Variants in RYR2 observed in about 807,000 individuals in gnomAD.
The protein encoded by RYR2 is ryanodine receptor 2.
A neutral mutation model predicts 601.1 loss-of-function variants in RYR2; 227 were observed. That is an observed-to-expected ratio of 0.38 (90% CI 0.34 to 0.42). The LOEUF (loss-of-function observed/expected upper bound fraction) is 0.42, where lower values mean the gene tolerates loss of function less well. Ranked by LOEUF, RYR2 falls within the 10% of genes least tolerant of loss-of-function variation. The probability of loss-of-function intolerance (pLI) is 1.00; values close to 1 mark genes in which losing one functional copy is unlikely to be tolerated. For synonymous variants in RYR2, 2,223 were observed against 2,175.1 expected (o/e 1.02, Z -0.61); for missense variants, 4,646 against 6,156.5 (o/e 0.75, Z 8.21).
chr1:237,799,272 A>ATGTT (rs1659664145), intron 97 of RYR2, among the ~76,000 whole-genome samples: 1 of 152,282 alleles, frequency 6.6e-6, no homozygotes, highest in Non-Finnish European at 1.5e-5. Context: ...TGTGTTCCTT[A>ATGTT]TGTTAGAATA....
At chr1:237,201,731 G>A (rs897254325) in intron 1 of RYR2, among the ~76,000 whole-genome samples, 1 of 152,126 alleles carries the variant, frequency 6.6e-6, no homozygotes, top group Non-Finnish European at 1.5e-5. Context: ...GGGCTGCTGA[G>A]GCCTCACTCC....
intron 1 of RYR2, among the ~76,000 whole-genome samples, chr1:237,194,992 T>C (rs1680394418): frequency 6.6e-6 from 1 of 152,180 alleles, no homozygotes; most frequent in African/African-American, 2.4e-5. Context: ...CTGGCACCTA[T>C]TAGGGCATCA....
intron 24 of RYR2, among the ~76,000 whole-genome samples, chr1:237,517,825 T>C (rs1297523811): frequency 1.3e-5 from 2 of 152,196 alleles, no homozygotes; most frequent in Non-Finnish European, 2.9e-5. Context: ...CATGATTTTT[T>C]TTTTAAATTC....
chr1:237,085,171 A>G (rs1666168459), intron 1 of RYR2, among the ~76,000 whole-genome samples: 1 of 152,204 alleles, frequency 6.6e-6, no homozygotes, highest in Non-Finnish European at 1.5e-5. Context: ...AGTGCATCCA[A>G]TTAATATCAA....
At chr1:237,560,545 T>A (rs971884017) in intron 27 of RYR2, among the ~76,000 whole-genome samples, 1 of 152,232 alleles carries the variant, frequency 6.6e-6, no homozygotes, top group South Asian at 2.1e-4. Context: ...GTTTTCAATA[T>A]GCTGTGGAAT....
chr1:237,801,843 T>C lies in RYR2; in HGVS notation c.14091-13T>C. ...TGTGCATAACTACGCATTTTTTTTTTTTGTCATTGCAGACTGAACTCCATT... is the reference window on the plus strand; with the variant it reads ...TGTGCATAACTACGCATTTTTTTTTCTTGTCATTGCAGACTGAACTCCATT... On this transcript the variant is annotated splice_polypyrimidine_tract_variant and intron_variant, in intron 97 of 104. Coordinates refer to ENST00000366574, the MANE Select transcript of RYR2 (RefSeq NM_001035.3). 6.4e-7 allele frequency: 1 copy of C among 1,574,324 alleles called. No homozygotes were observed. Among genetic ancestry groups the C allele is most frequent in the Non-Finnish European group, 8.7e-7 (1 of 1,154,618 alleles).
chr1:237,295,756 G>T (rs779851670), intron 2 of RYR2, among the ~76,000 whole-genome samples: 2 of 152,110 alleles, frequency 1.3e-5, no homozygotes, highest in Non-Finnish European at 2.9e-5. Flanking sequence ...AAAAAATATT[G>T]CCATAAAATT....
At chr1:237,213,999 C>A (rs1682896716) in intron 1 of RYR2, among the ~76,000 whole-genome samples, 1 of 136,534 alleles carries the variant, frequency 7.3e-6, no homozygotes, top group Non-Finnish European at 1.5e-5. Context: ...CAGCTCACAA[C>A]AACCTCTGCC....
At chr1:237,218,803 G>T (rs2149128218) in intron 1 of RYR2, among the ~76,000 whole-genome samples, 1 of 152,178 alleles carries the variant, frequency 6.6e-6, no homozygotes, top group East Asian at 1.9e-4. Flanking sequence ...GTAATCAAAA[G>T]AACAAGCTGG....
At chr1:237,660,213 A>AG in intron 55 of RYR2, 139 bp downstream of exon 55, 1 of 447,332 alleles carries the variant, frequency 2.2e-6, no homozygotes. Flanking sequence ...CGTTTAAAAA[A>AG]AAAACCTTCT....
intron 25 of RYR2, among the ~76,000 whole-genome samples, chr1:237,544,787 A>G (rs1435775416): frequency 6.6e-6 from 1 of 152,194 alleles, no homozygotes; most frequent in Non-Finnish European, 1.5e-5. Context: ...TGTACTACAA[A>G]CAGAAAATTC....
chr1:237,284,012 A>T (rs537176907), intron 2 of RYR2, among the ~76,000 whole-genome samples: 7 of 152,148 alleles, frequency 4.6e-5, no homozygotes, highest in Non-Finnish European at 1.0e-4. Context: ...TTGCATCCTC[A>T]TAGCTTAGCT....
chr1:237,367,180 G>T (rs1700268154), intron 5 of RYR2, among the ~76,000 whole-genome samples: 1 of 152,082 alleles, frequency 6.6e-6, no homozygotes, highest in Non-Finnish European at 1.5e-5. Context: ...TGCAACCTCT[G>T]CCTCCCGGGT....
chr1:237,361,379 G>A (rs776937790), intron 4 of RYR2, among the ~76,000 whole-genome samples: 6 of 152,162 alleles, frequency 3.9e-5, no homozygotes, highest in Admixed American at 6.5e-5. Context: ...GAGGTTACCG[G>A]TTGGAGACTT....
At chr1:237,739,573 T>C (rs1039855363) in intron 79 of RYR2, among the ~76,000 whole-genome samples, 3 of 152,232 alleles carry the variant, frequency 2.0e-5, no homozygotes, top group African/African-American at 7.2e-5. Context: ...TTCCTCCTAG[T>C]TCTCCTCCTT....
chr1:237,714,989 C>CT (rs1558274620), intron 71 of RYR2, among the ~76,000 whole-genome samples: 1 of 104,154 alleles, frequency 9.6e-6, no homozygotes, highest in Non-Finnish European at 1.7e-5. Flanking sequence ...GAGACTCCAT[C>CT]TCAAAAAAAA....
Position 237,651,431 on chromosome 1 carries a change from T to C in RYR2, c.7754T>C (p.Met2585Thr), listed in dbSNP as rs1682720451. 6.3e-7 allele frequency: 1 copy of C among 1,596,510 alleles called. No homozygotes were observed. The highest frequency in any genetic ancestry group is 8.5e-7 in the Non-Finnish European group (1 of 1,170,526). Residue 2585 changes from methionine (M) to threonine (T), a missense_variant, in exon 51 of 105, where the codon ATG (methionine) becomes ACG (threonine). Transcript: ENST00000366574. ...SICGQLRPSM[M>T]QHLLRRLVFD... is the part of the protein sequence containing the mutation. ...AACAGACAACTGAGACCTTCTATGATGCAGCACTTACTCAGAAGATTAGTA... is the reference window on the plus strand; with the variant it reads ...AACAGACAACTGAGACCTTCTATGACGCAGCACTTACTCAGAAGATTAGTA...
intron 70 of RYR2, among the ~76,000 whole-genome samples, chr1:237,710,172 G>A (rs577763672): frequency 1.1e-4 from 16 of 152,224 alleles, no homozygotes; most frequent in Admixed American, 6.5e-4. Flanking sequence ...CATAACAATC[G>A]TATAGTAGTC....
At chr1:237,155,928 G>C (rs1196974952) in intron 1 of RYR2, among the ~76,000 whole-genome samples, 2 of 152,182 alleles carry the variant, frequency 1.3e-5, no homozygotes, top group African/African-American at 4.8e-5. Context: ...CCCTTTCTGA[G>C]AGCCTGTAAG....
Sources: allele counts gnomAD v4.1 joint callset (sites outside exome capture counted in the v4.1 genomes callset), GRCh38; gene constraint gnomAD v4.1.1; transcripts MANE v1.5; gene names NCBI Gene and HGNC (gene_info 2026-07-23, HGNC 2026-07-21).